Variants in RIT2 observed in about 807,000 individuals in gnomAD.
RIT2 encodes Ras like without CAAX 2, also known as GTP-binding protein Rit2.
In RIT2, 24 loss-of-function variants were observed where a neutral mutation model predicts 23.7. The observed-to-expected ratio is 1.01, with a 90% CI of 0.73 to 1.43. The LOEUF (loss-of-function observed/expected upper bound fraction) is 1.43, where lower values mean the gene tolerates loss of function less well. Ranked by LOEUF, RIT2 falls within the 40% of genes most tolerant of loss-of-function variation. The pLI is 0.00. For missense variants in RIT2, 236 were observed against 266.9 expected, an observed-to-expected ratio of 0.88 and a Z score of 0.81; for synonymous variants, 107 against 91.1, an observed-to-expected ratio of 1.17 and a Z score of -0.99.
chr18:43,113,306 T>C (rs1913995399), intron 1 of RIT2, among the ~76,000 whole-genome samples: 1 of 152,160 alleles, frequency 6.6e-6, no homozygotes, highest in Non-Finnish European at 1.5e-5. Flanking sequence ...GTATGAGAAA[T>C]ATTCTCTGGT....
At chr18:42,961,824 A>G (rs1910099972) in intron 3 of RIT2, among the ~76,000 whole-genome samples, 1 of 152,200 alleles carries the variant, frequency 6.6e-6, no homozygotes, top group Non-Finnish European at 1.5e-5. Context: ...GCATTCTAAC[A>G]TCAATTAGTG....
chr18:42,936,750 G>A (rs1045858472), intron 3 of RIT2, among the ~76,000 whole-genome samples: 2 of 152,132 alleles, frequency 1.3e-5, no homozygotes, highest in Non-Finnish European at 2.9e-5. Context: ...GGTGGCTCAC[G>A]CCTGTAATCC....
chr18:42,891,957 T>C (rs1908190189), intron 4 of RIT2, among the ~76,000 whole-genome samples: 1 of 152,088 alleles, frequency 6.6e-6, no homozygotes, highest in African/African-American at 2.4e-5. Flanking sequence ...TAGTGAGGGC[T>C]GTTGATAATA....
intron 2 of RIT2, among the ~76,000 whole-genome samples, chr18:43,031,913 G>T (rs751962111): frequency 2.6e-5 from 4 of 151,968 alleles, no homozygotes; most frequent in Admixed American, 6.6e-5. Context: ...CTCTTAAGAG[G>T]TCATTAAGTC....
intron 4 of RIT2, among the ~76,000 whole-genome samples, chr18:42,767,394 T>A (rs1220510534): frequency 6.6e-6 from 1 of 152,206 alleles, no homozygotes; most frequent in African/African-American, 2.4e-5. Context: ...GATTTTGGAC[T>A]TGCATGGGCC....
chr18:42,996,253 G>T (rs1910980685), intron 2 of RIT2, among the ~76,000 whole-genome samples: 1 of 151,886 alleles, frequency 6.6e-6, no homozygotes, highest in Admixed American at 6.6e-5. Flanking sequence ...CCCACTCTAG[G>T]TTCCCACGCT....
intron 1 of RIT2, among the ~76,000 whole-genome samples, chr18:43,066,824 A>C (rs1912781163): frequency 6.6e-6 from 1 of 151,780 alleles, no homozygotes; most frequent in South Asian, 2.1e-4. Flanking sequence ...TTAAAGAAGA[A>C]AGGACAGCAT....
chr18:42,801,543 T>C (rs1905540284), intron 4 of RIT2, among the ~76,000 whole-genome samples: 3 of 152,202 alleles, frequency 2.0e-5, no homozygotes, highest in Non-Finnish European at 2.9e-5. Flanking sequence ...GCAGTGATTT[T>C]AGCCAGTTAC....
At chr18:42,895,057 G>A (rs1908287098) in intron 4 of RIT2, among the ~76,000 whole-genome samples, 1 of 152,168 alleles carries the variant, frequency 6.6e-6, no homozygotes, top group Non-Finnish European at 1.5e-5. Flanking sequence ...TATCCCTAAG[G>A]AGGAAATCTG....
chr18:42,834,358 A>C (rs557279911), intron 4 of RIT2, among the ~76,000 whole-genome samples: 21 of 152,220 alleles, frequency 1.4e-4, no homozygotes, highest in African/African-American at 5.1e-4. Flanking sequence ...ACTCCAAGAG[A>C]CTTTATTTTC....
intron 4 of RIT2, among the ~76,000 whole-genome samples, chr18:42,806,922 G>A (rs961013453): frequency 2.0e-5 from 3 of 152,176 alleles, no homozygotes; most frequent in Non-Finnish European, 4.4e-5. Flanking sequence ...TTCTAGGCTA[G>A]CGGGTTAAAA....
chr18:42,978,152 G>C (rs1369856976), intron 2 of RIT2, among the ~76,000 whole-genome samples: 2 of 151,938 alleles, frequency 1.3e-5, no homozygotes, highest in Admixed American at 1.3e-4. Context: ...AGTAATCTAG[G>C]TGAGAACTCC....
At chr18:42,822,955 A>G (rs756054821) in intron 4 of RIT2, among the ~76,000 whole-genome samples, 5 of 152,156 alleles carry the variant, frequency 3.3e-5, no homozygotes, top group Non-Finnish European at 7.4e-5. Flanking sequence ...GGCAGGAGAA[A>G]GAAACTAAGT....
At chr18:43,027,043 A>C (rs1346288995) in intron 2 of RIT2, among the ~76,000 whole-genome samples, 1 of 152,130 alleles carries the variant, frequency 6.6e-6, no homozygotes, top group African/African-American at 2.4e-5. Context: ...CAAGTGAAAA[A>C]AGTGGATGAA....
intron 1 of RIT2, among the ~76,000 whole-genome samples, chr18:43,105,465 G>GGAGGAAGAGAGGAAGGGAGGAAGA (rs1555658741): frequency 1.5e-3 from 218 of 144,992 alleles, no homozygotes; most frequent in East Asian, 3.5e-3. Flanking sequence ...AGGGAGGAAG[G>GGAGGAAGAGAGGAAGGGAGGAAGA]GAGGAAGAGA....
At chr18:43,114,505 A>G (rs367783502) in intron 1 of RIT2, among the ~76,000 whole-genome samples, 32 of 152,206 alleles carry the variant, frequency 2.1e-4, no homozygotes, top group South Asian at 1.7e-3. Flanking sequence ...GTCCATGCTA[A>G]CTATAATATT....
chr18:43,050,016 A>ACTCAGAAT (rs1912340836), intron 1 of RIT2, among the ~76,000 whole-genome samples: 2 of 99,494 alleles, frequency 2.0e-5, no homozygotes. Flanking sequence ...AACGAGACAT[A>ACTCAGAAT]CTCAGAATTG....
At chr18:42,920,642 G>A in intron 4 of RIT2, 1 of 1,200,470 alleles carries the variant, frequency 8.3e-7, no homozygotes, top group Non-Finnish European at 1.2e-6. Flanking sequence ...ATCTTTTTTA[G>A]AAAGGGCCCT....
chr18:42,943,639 T>C (rs527483660), intron 3 of RIT2, among the ~76,000 whole-genome samples: 1 of 152,270 alleles, frequency 6.6e-6, no homozygotes, highest in Admixed American at 6.5e-5. Context: ...GTTTGGGTCT[T>C]TAGTTAGAAG....
Sources: gnomAD v4.1 joint callset for allele counts (sites outside exome capture counted in the v4.1 genomes callset) on GRCh38, gnomAD v4.1.1 for gene constraint, MANE v1.5 for transcripts, NCBI Gene and HGNC (gene_info 2026-07-23, HGNC 2026-07-21) for gene names.